Variants in MYRIP observed in about 807,000 individuals in gnomAD.
The protein encoded by MYRIP is myosin VIIA and Rab interacting protein.
In MYRIP, 49 loss-of-function variants were observed where a neutral mutation model predicts 98.0. That is an observed-to-expected ratio of 0.50 (90% CI 0.40 to 0.63). The LOEUF is 0.63. Ranked by LOEUF, MYRIP falls within the 30% of genes least tolerant of loss-of-function variation. MYRIP has a pLI of 0.00. For synonymous variants in MYRIP, 404 were observed against 409.5 expected, an observed-to-expected ratio of 0.99 and a Z score of 0.16; for missense variants, 1,004 against 1,058.2, an observed-to-expected ratio of 0.95 and a Z score of 0.71.
intron 3 of MYRIP, among the ~76,000 whole-genome samples, chr3:40,134,139 A>T (rs1018479729): frequency 1.3e-5 from 2 of 152,126 alleles, no homozygotes; most frequent in Non-Finnish European, 2.9e-5. Context: ...TCCGAGTCAA[A>T]AAAAGGGATG....
chr3:40,178,370 G>A (rs1002624384), intron 8 of MYRIP, among the ~76,000 whole-genome samples: 1 of 152,212 alleles, frequency 6.6e-6, no homozygotes, highest in Non-Finnish European at 1.5e-5. Context: ...GGACCAGTTG[G>A]TTCACGTGGC....
At position 39,871,344 on chromosome 3, in the gene MYRIP, A is replaced by G. The variant is rs111446764; in HGVS notation, c.-30-29443A>G. 1.3e-3 allele frequency among the ~76,000 whole-genome samples: 191 copies of G among 152,334 alleles called. 3 individuals are homozygous for G. In the South Asian group the frequency reaches 0.036, roughly 29 times the overall value. ...AAATGTAGGCTTGTGATTTGAGTTC[A>G]ACTTTGAAAACTGCATGGACTTTAG... On this transcript the variant is annotated intron_variant, in intron 1 of 16. Coordinates refer to ENST00000302541, the MANE Select transcript of MYRIP (RefSeq NM_015460.4).
chr3:40,048,352 A>C (rs10433603), intron 3 of MYRIP, among the ~76,000 whole-genome samples: 82,461 of 151,896 alleles, frequency 0.54, 22,510 homozygotes, highest in East Asian at 0.78. Flanking sequence ...CAGTGGCTAC[A>C]ATATGCATAT....
chr3:39,899,199 A>C (rs1201666303), intron 1 of MYRIP, among the ~76,000 whole-genome samples: 1 of 152,166 alleles, frequency 6.6e-6, no homozygotes, highest in African/African-American at 2.4e-5. Context: ...TCTAAAAAAA[A>C]ATAATACTTG....
At chr3:39,838,508 C>T (rs1233607070) in intron 1 of MYRIP, among the ~76,000 whole-genome samples, 3 of 151,694 alleles carry the variant, frequency 2.0e-5, no homozygotes, top group Admixed American at 6.6e-5. Flanking sequence ...TGATGGATTA[C>T]GTTTATTGAT....
intron 1 of MYRIP, among the ~76,000 whole-genome samples, chr3:39,821,489 T>C (rs1941101467): frequency 6.6e-6 from 1 of 151,918 alleles, no homozygotes; most frequent in Non-Finnish European, 1.5e-5. Flanking sequence ...ATCTTTATTA[T>C]TTCTTTCCTA....
chr3:39,881,979 G>C (rs1225887101), intron 1 of MYRIP, among the ~76,000 whole-genome samples: 1 of 150,828 alleles, frequency 6.6e-6, no homozygotes, highest in African/African-American at 2.4e-5. Flanking sequence ...CTAGAGTTTT[G>C]AGAGACAGCA....
intron 1 of MYRIP, among the ~76,000 whole-genome samples, chr3:39,896,335 C>T (rs1459789761): frequency 3.3e-5 from 5 of 152,124 alleles, no homozygotes; most frequent in Admixed American, 6.5e-5. Context: ...CCCTGTGCAT[C>T]GGTCAGGGGT....
chr3:39,905,440 T>C (rs962959705), intron 2 of MYRIP, among the ~76,000 whole-genome samples: 1 of 152,214 alleles, frequency 6.6e-6, no homozygotes, highest in Non-Finnish European at 1.5e-5. Flanking sequence ...TTCTTGATGA[T>C]TATATTATTA....
intron 2 of MYRIP, 31 bp downstream of exon 2, chr3:39,900,957 A>G: frequency 4.6e-6 from 7 of 1,535,222 alleles, no homozygotes; most frequent in Non-Finnish European, 6.3e-6. Context: ...AGCAGCGTAC[A>G]GCAAACCACA....
At chr3:39,810,057 G>A (rs1366575006) in intron 1 of MYRIP, 141 bp downstream of exon 1, 1 of 152,412 alleles carries the variant, frequency 6.6e-6, no homozygotes, top group African/African-American at 2.4e-5. Flanking sequence ...CGCGTCCGGA[G>A]CCAGGAACCC....
rs371636590 is a variant in MYRIP, at chr3:39,970,961, G to A, written c.110+70035G>A. On this transcript the variant is annotated intron_variant, in intron 2 of 16. Coordinates refer to ENST00000302541, the MANE Select transcript of MYRIP (RefSeq NM_015460.4). ...TTAACGAGGGAAAAACAGAAGTTTT[G>A]TTAACATGTATATTTCATACATACG... Among the ~76,000 whole-genome samples, 32 of 152,210 alleles carry A rather than the reference G, an allele frequency of 2.1e-4. No individual in the cohort carries two copies. In the East Asian group the frequency reaches 5.2e-3, roughly 25 times the overall value.
At chr3:40,079,216 G>C (rs1948421931) in intron 3 of MYRIP, among the ~76,000 whole-genome samples, 1 of 152,222 alleles carries the variant, frequency 6.6e-6, no homozygotes, top group Non-Finnish European at 1.5e-5. Flanking sequence ...TTAGACACTT[G>C]AGAGTAAAAG....
At chr3:40,149,803 T>G (rs1186061338) in intron 3 of MYRIP, among the ~76,000 whole-genome samples, 1 of 152,216 alleles carries the variant, frequency 6.6e-6, no homozygotes, top group Non-Finnish European at 1.5e-5. Flanking sequence ...TCTCTGATTT[T>G]GCTCTCACCC....
intron 3 of MYRIP, among the ~76,000 whole-genome samples, chr3:40,125,393 T>C (rs1949506049): frequency 6.6e-6 from 1 of 152,220 alleles, no homozygotes; most frequent in Non-Finnish European, 1.5e-5. Context: ...GAGAAAGATG[T>C]AGGCTGGGAG....
At chr3:39,869,955 G>C (rs1237015932) in intron 1 of MYRIP, among the ~76,000 whole-genome samples, 1 of 152,170 alleles carries the variant, frequency 6.6e-6, no homozygotes, top group African/African-American at 2.4e-5. Context: ...ACCTAACTTG[G>C]TCAGGGAAGT....
intron 15 of MYRIP, among the ~76,000 whole-genome samples, chr3:40,251,626 A>T (rs60177470): frequency 1.3e-5 from 2 of 152,314 alleles, no homozygotes; most frequent in Admixed American, 6.5e-5. Context: ...AGGACTGCAC[A>T]TAAGTATTTA....
chr3:39,983,604 T>A (rs72870084), intron 2 of MYRIP, among the ~76,000 whole-genome samples: 1,545 of 152,228 alleles, frequency 0.01, 21 homozygotes, highest in African/African-American at 0.036. Flanking sequence ...GGGCTGGGGG[T>A]ACAGCGGTAA....
chr3:40,201,488 A>G (rs988142558), intron 10 of MYRIP, among the ~76,000 whole-genome samples: 1 of 152,162 alleles, frequency 6.6e-6, no homozygotes, highest in Non-Finnish European at 1.5e-5. Context: ...TGTAATAATA[A>G]AAGCTAAAAA....
Sources: allele counts gnomAD v4.1 joint callset (sites outside exome capture counted in the v4.1 genomes callset), GRCh38; gene constraint gnomAD v4.1.1; transcripts MANE v1.5; gene names NCBI Gene and HGNC (gene_info 2026-07-23, HGNC 2026-07-21).